ABTB3: variants seen among roughly 807,000 people sequenced by gnomAD.
The protein encoded by ABTB3 is ankyrin repeat and BTB domain containing 3.
chr12:107,610,196 C>G, the ABTB3 span: 2 of 1,614,180 alleles, frequency 1.2e-6, no homozygotes, highest in African/African-American at 2.7e-5. Flanking sequence ...TTAGGGCCGA[C>G]GACTGCTTTT....
chr12:107,333,661 T>C, the ABTB3 span, among the ~76,000 whole-genome samples: 1 of 152,352 alleles, frequency 6.6e-6, no homozygotes, highest in East Asian at 1.9e-4. Flanking sequence ...CGATCATTTG[T>C]TCAATAGCTA....
At chr12:107,541,387 C>T in the ABTB3 span, among the ~76,000 whole-genome samples, 5 of 152,228 alleles carry the variant, frequency 3.3e-5, no homozygotes, top group African/African-American at 9.6e-5. Flanking sequence ...TGTCAGATAT[C>T]GTATTAGTCA....
the ABTB3 span, among the ~76,000 whole-genome samples, chr12:107,528,770 C>T: frequency 6.2e-4 from 95 of 152,018 alleles, no homozygotes; most frequent in African/African-American, 2.1e-3. Flanking sequence ...CTGCTGCTGC[C>T]GTTGGTGATG....
chr12:107,412,555 T>C, the ABTB3 span, among the ~76,000 whole-genome samples: 1 of 151,958 alleles, frequency 6.6e-6, no homozygotes, highest in South Asian at 2.1e-4. Context: ...ATTTCACAGG[T>C]CCGAAAACTG....
chr12:107,484,151 G>T, the ABTB3 span, among the ~76,000 whole-genome samples: 1 of 152,212 alleles, frequency 6.6e-6, no homozygotes, highest in Non-Finnish European at 1.5e-5. Flanking sequence ...TCTTTGTAGA[G>T]CTGACCATGA....
At chr12:107,324,331 C>T in the ABTB3 span, among the ~76,000 whole-genome samples, 94 of 152,228 alleles carry the variant, frequency 6.2e-4, no homozygotes, top group African/African-American at 2.1e-3. Flanking sequence ...TGGGCACAGC[C>T]CTGTGGCCAG....
At chr12:107,584,252 C>T in the ABTB3 span, among the ~76,000 whole-genome samples, 1 of 152,206 alleles carries the variant, frequency 6.6e-6, no homozygotes, top group African/African-American at 2.4e-5. Context: ...ACCAGGGACC[C>T]ACCCTGTTCC....
At chr12:107,502,967 C>T in the ABTB3 span, among the ~76,000 whole-genome samples, 1 of 152,100 alleles carries the variant, frequency 6.6e-6, no homozygotes, top group Non-Finnish European at 1.5e-5. Context: ...ATTTGAAGTA[C>T]AGTAAGGCCA....
chr12:107,345,236 G>T, the ABTB3 span, among the ~76,000 whole-genome samples: 1 of 152,190 alleles, frequency 6.6e-6, no homozygotes, highest in East Asian at 1.9e-4. Flanking sequence ...CAAAAAAAGA[G>T]TGATAAAGGC....
the ABTB3 span, chr12:107,520,346 C>A: frequency 1.4e-6 from 2 of 1,462,544 alleles, no homozygotes; most frequent in Non-Finnish European, 1.8e-6. Context: ...GAGTCCAGAG[C>A]GTTGGTTCCT....
chr12:107,424,016 C>T, the ABTB3 span, among the ~76,000 whole-genome samples: 2 of 152,222 alleles, frequency 1.3e-5, no homozygotes, highest in Non-Finnish European at 2.9e-5. Flanking sequence ...AAATTGTTAA[C>T]TTGCATCTTC....
At chr12:107,328,959 C>T in the ABTB3 span, among the ~76,000 whole-genome samples, 1 of 152,110 alleles carries the variant, frequency 6.6e-6, no homozygotes, top group East Asian at 1.9e-4. Flanking sequence ...GCCGGCTTCC[C>T]CTCTCCCTGG....
At chr12:107,489,704 A>C in the ABTB3 span, among the ~76,000 whole-genome samples, 2 of 152,180 alleles carry the variant, frequency 1.3e-5, no homozygotes, top group African/African-American at 4.8e-5. Flanking sequence ...AATGTCCCCA[A>C]CGAATGGAAT....
chr12:107,608,684 A>G, the ABTB3 span, among the ~76,000 whole-genome samples: 1 of 152,088 alleles, frequency 6.6e-6, no homozygotes, highest in South Asian at 2.1e-4. Flanking sequence ...AGCCTGGGCA[A>G]CATAACAAGA....
At chr12:107,319,553 GC>G in the ABTB3 span, 1 of 1,545,528 alleles carries the variant, frequency 6.5e-7, no homozygotes, top group Non-Finnish European at 8.7e-7. Flanking sequence ...CGGCAAGTCG[GC>G]CCGCTGCGGC....
the ABTB3 span, among the ~76,000 whole-genome samples, chr12:107,551,136 T>C: frequency 6.6e-6 from 1 of 152,198 alleles, no homozygotes; most frequent in Non-Finnish European, 1.5e-5. Flanking sequence ...AGAGGAAGAA[T>C]GCTACTTCCT....
the ABTB3 span, among the ~76,000 whole-genome samples, chr12:107,340,269 G>A: frequency 6.6e-6 from 1 of 152,152 alleles, no homozygotes; most frequent in African/African-American, 2.4e-5. Context: ...GCTTAGTGGA[G>A]AAAAAATGGT....
chr12:107,629,553 C>A, the ABTB3 span, among the ~76,000 whole-genome samples: 1 of 152,120 alleles, frequency 6.6e-6, no homozygotes, highest in East Asian at 1.9e-4. Context: ...TGGCAAGTAC[C>A]CAGCAGCATG....
the ABTB3 span, among the ~76,000 whole-genome samples, chr12:107,476,883 C>T: frequency 2.0e-5 from 3 of 151,986 alleles, no homozygotes; most frequent in Non-Finnish European, 4.4e-5. Flanking sequence ...ATATGTGCTC[C>T]TTATTCATTT....
Sources: gnomAD v4.1 joint callset for allele counts (sites outside exome capture counted in the v4.1 genomes callset) on GRCh38, gnomAD v4.1.1 for gene constraint, MANE v1.5 for transcripts, NCBI Gene and HGNC (gene_info 2026-07-23, HGNC 2026-07-21) for gene names.